The following HABP4 variants were observed in gnomAD, a reference collection of about 807,000 sequenced individuals.
HABP4 encodes the protein intracellular hyaluronan-binding protein 4.
A neutral mutation model predicts 44.1 loss-of-function variants in HABP4; 32 were observed. The ratio of observed to expected loss-of-function variants is 0.73; its 90% CI spans 0.55 to 0.97. HABP4 has a LOEUF of 0.97. Among genes scored for constraint, HABP4 ranks in the 50% least tolerant of loss-of-function variants. The pLI is 0.00. For missense variants in HABP4, 503 were observed against 561.9 expected (o/e 0.90, Z 1.06); for synonymous variants, 216 against 218.0 (o/e 0.99, Z 0.08).
chr9:96,452,928 T>G (rs1204832441), intron 1 of HABP4, among the ~76,000 whole-genome samples: 4 of 145,408 alleles, frequency 2.8e-5, no homozygotes, highest in African/African-American at 7.7e-5. Context: ...TTTTTTTTTT[T>G]TTTTTTTTTT....
chr9:96,465,538 T>G, intron 3 of HABP4, 40 bp downstream of exon 3: 1 of 1,354,858 alleles, frequency 7.4e-7, no homozygotes. Context: ...TTTAAGATGG[T>G]GTCAGCACGT....
At chr9:96,481,833 A>C (rs1441465894) in intron 5 of HABP4, among the ~76,000 whole-genome samples, 1 of 152,142 alleles carries the variant, frequency 6.6e-6, no homozygotes, top group Non-Finnish European at 1.5e-5. Flanking sequence ...AATTGCAGTA[A>C]AAATAACATA....
intron 5 of HABP4, among the ~76,000 whole-genome samples, chr9:96,481,693 CCATCAT>C (rs1832882900): frequency 2.6e-5 from 4 of 151,964 alleles, no homozygotes; most frequent in Non-Finnish European, 5.9e-5. Context: ...GTATGGTGAG[CCATCAT>C]CATGCCACTG....
intron 5 of HABP4, among the ~76,000 whole-genome samples, chr9:96,479,651 C>T (rs1407565006): frequency 6.6e-6 from 1 of 151,988 alleles, no homozygotes; most frequent in Admixed American, 6.6e-5. Flanking sequence ...GCTGGGATTA[C>T]AGGTGCCTGC....
chr9:96,460,572 A>G (rs1234047981), intron 2 of HABP4, among the ~76,000 whole-genome samples: 1 of 152,256 alleles, frequency 6.6e-6, no homozygotes, highest in East Asian at 1.9e-4. Flanking sequence ...CAAAAGAGAA[A>G]ACATTTCTGC....
chr9:96,450,546 G>T lies in HABP4; in HGVS notation c.267G>T (p.Arg89Ser). The change falls in exon 1 of 8, where the codon AGG (arginine) becomes AGT (serine). Residue 89 changes from arginine (R) to serine (S), a missense_variant. Transcript: ENST00000375249. This position sits in a 1 kb window ranked among gnomAD's most constrained non-coding sequence, Gnocchi z 4.8. ...ACAGAGCCGGCGCGGGCGGCCGGAGGGAGTCGCAGAAGGAGCGCAAGAGCC... is the reference window on the plus strand; with the variant it reads ...ACAGAGCCGGCGCGGGCGGCCGGAGTGAGTCGCAGAAGGAGCGCAAGAGCC... Reference protein sequence around the residue: ...SGHRAGAGGRRESQKERKSLP... With the variant: ...SGHRAGAGGRSESQKERKSLP... 1 of 1,254,292 alleles carries T rather than the reference G, an allele frequency of 8.0e-7. No individual in the cohort carries two copies. The highest frequency in any genetic ancestry group is 1.0e-6 in the Non-Finnish European group (1 of 999,728). 77.7% of individuals were successfully genotyped at this position (1,254,292 alleles called of 1,614,324 possible). A position where few individuals can be genotyped will look rare whatever the true frequency, so the allele number is the denominator to read the frequency against.
At chr9:96,478,488 A>G (rs1364678445) in intron 5 of HABP4, among the ~76,000 whole-genome samples, 7 of 152,106 alleles carry the variant, frequency 4.6e-5, no homozygotes, top group African/African-American at 1.7e-4. Context: ...CTCCTGGGTA[A>G]ATACCTAGGA....
chr9:96,460,215 G>A (rs866375201), intron 2 of HABP4, among the ~76,000 whole-genome samples: 8 of 152,092 alleles, frequency 5.3e-5, no homozygotes, highest in Non-Finnish European at 1.0e-4. Flanking sequence ...GTGGGATATG[G>A]AATTATGGAG....
intron 2 of HABP4, among the ~76,000 whole-genome samples, chr9:96,464,964 T>C (rs1832573867): frequency 6.6e-6 from 1 of 152,204 alleles, no homozygotes; most frequent in African/African-American, 2.4e-5. Context: ...TTCTCATTTT[T>C]TGAGTAAGGA....
Position 96,450,353 on chromosome 9 carries a change from C to T in HABP4, c.74C>T (p.Ala25Val), listed in dbSNP as rs1312135359. The change falls in exon 1 of 8, where the codon GCC (alanine) becomes GTC (valine). Residue 25 changes from alanine (A) to valine (V), a missense_variant. Ala to Val is a moderately conservative substitution (Grantham distance 64). Coordinates refer to ENST00000375249, the MANE Select transcript of HABP4 (RefSeq NM_014282.4). This position sits in a 1 kb window ranked among gnomAD's most constrained non-coding sequence, Gnocchi z 4.8. ...CAGGAGAGTTTCGGCTGCGTGGTGGCCAACCGCTTCCATCAGCTGCTGGAC... is the reference window on the plus strand; with the variant it reads ...CAGGAGAGTTTCGGCTGCGTGGTGGTCAACCGCTTCCATCAGCTGCTGGAC... ...AMQESFGCVV[A>V]NRFHQLLDDE... 2 of 1,469,568 alleles carry T rather than the reference C, an allele frequency of 1.4e-6. No homozygotes were observed. Among genetic ancestry groups the T allele is most frequent in the Non-Finnish European group, 1.8e-6 (2 of 1,102,148 alleles). 91.0% of individuals were successfully genotyped at this position (1,469,568 alleles called of 1,614,324 possible). A position where few individuals can be genotyped will look rare whatever the true frequency, so the allele number is the denominator to read the frequency against.
Position 96,450,206 on chromosome 9 carries a change from G to T in HABP4, c.-74G>T. On this transcript the variant is annotated 5_prime_UTR_variant, in exon 1 of 8. The change abolishes an upstream ATG in the 5' untranslated region. Coordinates refer to ENST00000375249, the MANE Select transcript of HABP4 (RefSeq NM_014282.4). The surrounding 1 kb of genome is among the most constrained non-coding windows in gnomAD (Gnocchi z 4.8). ...GCGGTGGCGGCGGAGCGGGCGGCAT[G>T]GGTCCTGGCCGCCGGCTTCGCTGAG... 1 of 1,231,370 alleles carries T rather than the reference G, an allele frequency of 8.1e-7. No homozygotes were observed. The allele number at this position is 1,231,370 out of a possible 1,614,324, so 76.3% of individuals were successfully genotyped here.
At chr9:96,463,965 T>C (rs1832552983) in intron 2 of HABP4, among the ~76,000 whole-genome samples, 1 of 152,210 alleles carries the variant, frequency 6.6e-6, no homozygotes, top group Non-Finnish European at 1.5e-5. Flanking sequence ...AAAACATTTA[T>C]TAAACTATTG....
At chr9:96,482,400 G>T (rs1164520055) in intron 5 of HABP4, among the ~76,000 whole-genome samples, 1 of 152,122 alleles carries the variant, frequency 6.6e-6, no homozygotes, top group Non-Finnish European at 1.5e-5. Context: ...TTTGCACCTG[G>T]CTTATTTTAA....
intron 1 of HABP4, among the ~76,000 whole-genome samples, chr9:96,452,245 AT>A (rs1002629277): frequency 2.8e-5 from 4 of 145,204 alleles, no homozygotes; most frequent in East Asian, 2.1e-4. Flanking sequence ...AAAAAAAAAA[AT>A]TCTGTGCTTC....
rs1290144388 is a variant in HABP4, at chr9:96,488,666, G to A, written c.1185+392G>A. On this transcript the variant is annotated intron_variant, in intron 7 of 7. Coordinates refer to ENST00000375249, the MANE Select transcript of HABP4 (RefSeq NM_014282.4). This position sits in a 1 kb window ranked among gnomAD's most constrained non-coding sequence, Gnocchi z 4.6. ...CTCCCTAAGATCTCAAGCCCTTTGT[G>A]AGGGGACCTTCCTCAACCCCTCCCC... 1.3e-5 allele frequency among the ~76,000 whole-genome samples: 2 copies of A among 152,110 alleles called. No individual in the cohort carries two copies. Among genetic ancestry groups the A allele is most frequent in the Admixed American group, 6.5e-5 (1 of 15,270 alleles).
Position 96,471,102 on chromosome 9 carries a change from A to G in HABP4, c.827+8A>G. 7.3e-7 allele frequency: 1 copy of G among 1,379,306 alleles called. No homozygotes were observed. Among genetic ancestry groups the G allele is most frequent in the Non-Finnish European group, 1.0e-6 (1 of 965,952 alleles). The allele number at this position is 1,379,306 out of a possible 1,614,324, so 85.4% of individuals were successfully genotyped here. On this transcript the variant is annotated splice_region_variant and intron_variant, in intron 5 of 7. Coordinates refer to ENST00000375249, the MANE Select transcript of HABP4 (RefSeq NM_014282.4). ...AGAGGAGTCTCCAGCCAAGTAGGGC[A>G]TTTTGTTCATTCCCCATTGTGGTGT... is the stretch of plus-strand genomic sequence containing the variant.
intron 6 of HABP4, among the ~76,000 whole-genome samples, chr9:96,485,965 G>C (rs752987504): frequency 1.3e-5 from 2 of 152,100 alleles, no homozygotes; most frequent in African/African-American, 2.4e-5. Context: ...GGCCAAGGCA[G>C]GTGGATCACC....
intron 4 of HABP4, among the ~76,000 whole-genome samples, chr9:96,466,746 T>C (rs1832607560): frequency 6.6e-6 from 1 of 152,146 alleles, no homozygotes; most frequent in East Asian, 1.9e-4. Flanking sequence ...GATACATGGT[T>C]CTGCTCTGTT....
intron 1 of HABP4, among the ~76,000 whole-genome samples, chr9:96,457,710 A>G (rs1185683897): frequency 6.6e-6 from 1 of 152,128 alleles, no homozygotes; most frequent in Non-Finnish European, 1.5e-5. Flanking sequence ...TCTATTAAAA[A>G]TACAAAAATT....
Sources: allele counts gnomAD v4.1 joint callset (sites outside exome capture counted in the v4.1 genomes callset), GRCh38; gene constraint gnomAD v4.1.1; non-coding constraint Gnocchi (gnomAD v3.1); transcripts MANE v1.5; gene names NCBI Gene and HGNC (gene_info 2026-07-23, HGNC 2026-07-21).